PIWIL2: variants seen among roughly 807,000 people sequenced by gnomAD.
PIWIL2 encodes piwi-like protein 2.
PIWIL2 carries 81 observed loss-of-function variants against 116.5 expected under a neutral mutation model. The ratio of observed to expected loss-of-function variants is 0.70; its 90% CI spans 0.58 to 0.84. PIWIL2 has a LOEUF of 0.84. Ranked by LOEUF, PIWIL2 falls within the 40% of genes least tolerant of loss-of-function variation. The pLI, the probability that PIWIL2 is intolerant of heterozygous loss-of-function variation, is 0.00. For missense variants in PIWIL2, 1,272 were observed against 1,212.3 expected, an observed-to-expected ratio of 1.05 and a Z score of -0.73; for synonymous variants, 489 against 429.5, an observed-to-expected ratio of 1.14 and a Z score of -1.71.
chr8:22,297,904 C>T (rs961513523), intron 10 of PIWIL2, among the ~76,000 whole-genome samples: 2 of 151,892 alleles, frequency 1.3e-5, no homozygotes, highest in Non-Finnish European at 2.9e-5. Context: ...AAAGACAGTC[C>T]GGAACAAACA....
At chr8:22,333,943 G>A (rs912121921) in intron 20 of PIWIL2, among the ~76,000 whole-genome samples, 1 of 151,354 alleles carries the variant, frequency 6.6e-6, no homozygotes, top group African/African-American at 2.4e-5. Flanking sequence ...GAATGAGGAG[G>A]AACTACTAAT....
rs1831403488 is a variant in PIWIL2, at chr8:22,314,387, C to T, written c.2049C>T (p.Ala683=). The T allele has an allele frequency of 1.9e-6, 3 of 1,586,606 alleles. No homozygotes were observed. The East Asian group carries it at 6.9e-5, about 37-fold the overall frequency. ...GCCCACGTGATGATCTCTATGGGGC[C>T]ATCAAGAAGCTGTGCTGTGTGCAGT... ...IMGPRDDLYG[A]IKKLCCVQSP... The change falls in exon 17 of 23, where the codon GCC becomes GCT. Residue 683 remains alanine (A), a synonymous_variant. Coordinates refer to ENST00000356766, the MANE Select transcript of PIWIL2 (RefSeq NM_018068.5).
intron 20 of PIWIL2, among the ~76,000 whole-genome samples, chr8:22,341,182 G>A (rs1439128878): frequency 1.3e-5 from 2 of 152,008 alleles, no homozygotes; most frequent in African/African-American, 4.8e-5. Flanking sequence ...GTTATGCAAG[G>A]CTGGTTCAAC....
intron 17 of PIWIL2, among the ~76,000 whole-genome samples, 163 bp from the exon 18 acceptor site, chr8:22,314,866 C>T (rs1437343842): frequency 2.0e-5 from 3 of 151,812 alleles, no homozygotes; most frequent in African/African-American, 7.3e-5. Flanking sequence ...TGCCCATGTG[C>T]ATGCATGCCT....
intron 8 of PIWIL2, among the ~76,000 whole-genome samples, chr8:22,289,430 C>T (rs957261704): frequency 2.0e-5 from 3 of 152,298 alleles, no homozygotes; most frequent in Admixed American, 1.3e-4. Context: ...GGATTAGAGG[C>T]GTAAGCCACC....
chr8:22,330,738 A>AAATG, intron 20 of PIWIL2, among the ~76,000 whole-genome samples: 1 of 144,844 alleles, frequency 6.9e-6, no homozygotes. Flanking sequence ...ATAAATAAAT[A>AAATG]AATAAAAATA....
chr8:22,339,369 G>C (rs1024753438), intron 20 of PIWIL2, among the ~76,000 whole-genome samples: 2 of 151,958 alleles, frequency 1.3e-5, no homozygotes, highest in African/African-American at 2.4e-5. Context: ...TTAGCTGGGC[G>C]TGGTGGCCCG....
At chr8:22,317,669 AT>A (rs576339210) in intron 19 of PIWIL2, among the ~76,000 whole-genome samples, 10,088 of 149,778 alleles carry the variant, frequency 0.067, 391 homozygotes, top group Admixed American at 0.094. Flanking sequence ...TTATTTATTT[AT>A]TTTTTTTGAG....
chr8:22,299,760 T>C (rs1416256504), intron 10 of PIWIL2, among the ~76,000 whole-genome samples: 1 of 152,186 alleles, frequency 6.6e-6, no homozygotes, highest in Non-Finnish European at 1.5e-5. Context: ...ACATGGCCAT[T>C]GCCCCAAAAT....
At position 22,350,028 on chromosome 8, in the gene PIWIL2, A is replaced by C. The variant is rs375087757; in HGVS notation, c.2404-2931A>C. On this transcript the variant is annotated intron_variant, in intron 20 of 22. Coordinates refer to ENST00000356766, the MANE Select transcript of PIWIL2 (RefSeq NM_018068.5). ...GTGATATATAAAGGCGTTTTTAGTCATAAGGGTGAGAGGTTGCTCCTGGCA... is the reference window on the plus strand; with the variant it reads ...GTGATATATAAAGGCGTTTTTAGTCCTAAGGGTGAGAGGTTGCTCCTGGCA... Among the ~76,000 whole-genome samples, 6 of 152,190 alleles carry C rather than the reference A, an allele frequency of 3.9e-5. No homozygotes were observed. The East Asian group carries it at 7.7e-4, about 20-fold the overall frequency.
chr8:22,306,111 G>C (rs1254637952), intron 13 of PIWIL2, 95 bp downstream of exon 13: 6 of 821,790 alleles, frequency 7.3e-6, no homozygotes, highest in Non-Finnish European at 1.3e-5. Context: ...TTCCAACTCT[G>C]ATGTTGGCTT....
At chr8:22,281,310 A>G in intron 3 of PIWIL2, 67 bp from the exon 4 acceptor site, 1 of 1,568,016 alleles carries the variant, frequency 6.4e-7, no homozygotes, top group South Asian at 1.2e-5. Flanking sequence ...TTTTTTTAAA[A>G]AAAAAAACTA....
intron 20 of PIWIL2, among the ~76,000 whole-genome samples, chr8:22,329,145 A>G (rs989031120): frequency 6.6e-6 from 1 of 151,946 alleles, no homozygotes; most frequent in African/African-American, 2.4e-5. Context: ...TTCTGCTCCT[A>G]ATTTGCTGAG....
At chr8:22,294,369 T>C (rs559637256) in intron 10 of PIWIL2, among the ~76,000 whole-genome samples, 18 of 116,034 alleles carry the variant, frequency 1.6e-4, no homozygotes, top group Non-Finnish European at 2.7e-4. Context: ...GGTCCGAGCG[T>C]GGTGGCTCAC....
intron 14 of PIWIL2, among the ~76,000 whole-genome samples, chr8:22,308,637 A>C (rs1445105618): frequency 6.6e-6 from 1 of 152,148 alleles, no homozygotes; most frequent in Non-Finnish European, 1.5e-5. Context: ...TGGGAGACAG[A>C]GGGAGAATCC....
At chr8:22,279,230 G>A in intron 1 of PIWIL2, 111 bp from the exon 2 acceptor site, 1 of 629,180 alleles carries the variant, frequency 1.6e-6, no homozygotes, top group South Asian at 1.9e-5. Context: ...TGTTGTAGAA[G>A]GCTAGGCGTG....
chr8:22,319,301 TA>T, intron 20 of PIWIL2, among the ~76,000 whole-genome samples: 1 of 152,350 alleles, frequency 6.6e-6, no homozygotes, highest in South Asian at 2.1e-4. Flanking sequence ...TATTAGAGGT[TA>T]TTTTTTTTTA....
intron 20 of PIWIL2, among the ~76,000 whole-genome samples, chr8:22,339,127 A>G (rs1429778275): frequency 6.6e-6 from 1 of 152,240 alleles, no homozygotes; most frequent in East Asian, 1.9e-4. Flanking sequence ...GGATATCCAC[A>G]TACACAAGAA....
intron 10 of PIWIL2, among the ~76,000 whole-genome samples, chr8:22,294,664 A>AAAAAG: frequency 6.6e-6 from 1 of 150,452 alleles, no homozygotes; most frequent in South Asian, 2.1e-4. Flanking sequence ...AAAAAAAAAA[A>AAAAAG]AAAAGAAAAA....
Sources: allele counts gnomAD v4.1 joint callset (sites outside exome capture counted in the v4.1 genomes callset), GRCh38; gene constraint gnomAD v4.1.1; transcripts MANE v1.5; gene names NCBI Gene and HGNC (gene_info 2026-07-23, HGNC 2026-07-21).